The following ARID3A variants were observed in gnomAD, a reference collection of about 807,000 sequenced individuals.
ARID3A encodes AT-rich interactive domain-containing protein 3A.
Under a neutral mutation model 52.7 loss-of-function variants are expected in ARID3A, and 11 were observed. The observed-to-expected ratio is 0.21, with a 90% CI of 0.13 to 0.35. ARID3A has a LOEUF of 0.35. Among genes scored for constraint, ARID3A ranks in the 10% least tolerant of loss-of-function variants. The probability of loss-of-function intolerance (pLI) is 1.00; values close to 1 mark genes in which losing one functional copy is unlikely to be tolerated. For missense variants in ARID3A, 721 were observed against 838.5 expected, an observed-to-expected ratio of 0.86 and a Z score of 1.73; for synonymous variants, 404 against 359.4, an observed-to-expected ratio of 1.12 and a Z score of -1.40.
At chr19:949,678 T>TC in intron 3 of ARID3A, among the ~76,000 whole-genome samples, 1 of 144,744 alleles carries the variant, frequency 6.9e-6, no homozygotes, top group South Asian at 2.2e-4. Context: ...GATTCTGTCT[T>TC]TTTTTTTTTT....
At chr19:971,397 AG>A (rs1200621865) in intron 8 of ARID3A, among the ~76,000 whole-genome samples, 3 of 152,324 alleles carry the variant, frequency 2.0e-5, no homozygotes, top group Admixed American at 6.5e-5. Flanking sequence ...GGATCACCTG[AG>A]GTCAGGAGTT....
chr19:973,140 C>CTTTTTTTT lies in ARID3A; in HGVS notation c.*1076_*1077insTTTTTTTT, dbSNP rs1555732929. ...TTTTTTTTTTTGAGACGGAGTTTTG[C>CTTTTTTTT]TCTTGTCGCCCAGGCTGGAGTGAGT... is the stretch of plus-strand genomic sequence containing the variant. On this transcript the variant is annotated 3_prime_UTR_variant, in exon 9 of 9. Coordinates refer to ENST00000263620, the MANE Select transcript of ARID3A (RefSeq NM_005224.3). 3 of 20,660 alleles carry CTTTTTTTT rather than the reference C, an allele frequency of 1.5e-4. No individual in the cohort carries two copies. The highest frequency in any genetic ancestry group is 2.4e-4 in the Non-Finnish European group (2 of 8,282). The allele number at this position is 20,660 out of a possible 1,614,324, so 1.3% of individuals were successfully genotyped here. A position where few individuals can be genotyped will look rare whatever the true frequency, so the allele number is the denominator to read the frequency against.
chr19:957,235 A>G (rs542387023), intron 3 of ARID3A, among the ~76,000 whole-genome samples: 5 of 152,210 alleles, frequency 3.3e-5, no homozygotes, highest in Admixed American at 2.0e-4. Context: ...TGGCAGGCAG[A>G]GGCGGTCGGT....
intron 7 of ARID3A, among the ~76,000 whole-genome samples, chr19:967,227 C>T (rs191658786): frequency 2.2e-4 from 34 of 152,218 alleles, no homozygotes; most frequent in Non-Finnish European, 3.8e-4. Flanking sequence ...CACTGCACTC[C>T]AGCCTGGGCA....
rs571396547 is a variant in ARID3A at position 944,683 on chromosome 19, C to T, written c.693+11941C>T. 2.0e-5 allele frequency among the ~76,000 whole-genome samples: 3 copies of T among 152,244 alleles called. No individual in the cohort carries two copies. Among genetic ancestry groups the T allele is most frequent in the African/African-American group, 4.8e-5 (2 of 41,550 alleles). ...TGCTGTCACCCAGGCTGGAGTGCCG[C>T]GGTGCAGTCATAGCTCACTGCAGCC... On this transcript the variant is annotated intron_variant, in intron 3 of 8. Transcript: ENST00000263620. The surrounding 1 kb of genome is among the most constrained non-coding windows in gnomAD (Gnocchi z 5.9).
rs192979290 is a variant in ARID3A, at chr19:946,015, C to T, written c.693+13273C>T. ...CTCTGGGCAAAGTGCTTGGACCCTG[C>T]GGTTACTCCGAGCCCATTTCTCAGC... On this transcript the variant is annotated intron_variant, in intron 3 of 8. Transcript: ENST00000263620. Among the ~76,000 whole-genome samples, 88 of 152,160 alleles carry T rather than the reference C, an allele frequency of 5.8e-4. 1 individual carries two copies. The East Asian group carries it at 8.5e-3, about 15-fold the overall frequency.
In ARID3A at chr19:944,546, G is replaced by A. The variant is rs1215318214; in HGVS notation, c.693+11804G>A. Among the ~76,000 whole-genome samples, 3 of 152,182 alleles carry A rather than the reference G, an allele frequency of 2.0e-5. No individual in the cohort carries two copies. The highest frequency in any genetic ancestry group is 2.9e-5 in the Non-Finnish European group (2 of 68,022). On this transcript the variant is annotated intron_variant, in intron 3 of 8. Coordinates refer to ENST00000263620, the MANE Select transcript of ARID3A (RefSeq NM_005224.3). The surrounding 1 kb of genome is among the most constrained non-coding windows in gnomAD (Gnocchi z 5.9). ...AAATGTGGGTCTTCCGGGCAAGTGA[G>A]CGTCCCCCACCCAGGACCCCCGACC...
chr19:936,980 T>C (rs1568358179), intron 3 of ARID3A, among the ~76,000 whole-genome samples: 3 of 151,846 alleles, frequency 2.0e-5, no homozygotes, highest in Admixed American at 6.6e-5. Flanking sequence ...AGAAATGGGA[T>C]CACATAGCTG....
intron 1 of ARID3A, among the ~76,000 whole-genome samples, chr19:927,120 TTAAA>T (rs2037217225): frequency 6.6e-6 from 1 of 151,864 alleles, no homozygotes; most frequent in Non-Finnish European, 1.5e-5. Context: ...GCACAACTCT[TTAAA>T]TAACCATGTT....
At position 965,351 on chromosome 19, in the gene ARID3A, C is replaced by T. The variant is rs1568372493; in HGVS notation, c.1198+271C>T. 3 of 436,746 alleles carry T rather than the reference C, an allele frequency of 6.9e-6. No individual in the cohort carries two copies. In the East Asian group the frequency reaches 1.2e-4, roughly 17 times the overall value. 27.1% of individuals were successfully genotyped at this position (436,746 alleles called of 1,614,324 possible). ...GCCAAGGCAGACATTACTAATTGAT[C>T]ACTGTTTTTCCAGTCTACACTGAGG... is the stretch of plus-strand genomic sequence containing the variant. On this transcript the variant is annotated intron_variant, in intron 6 of 8. Coordinates refer to ENST00000263620, the MANE Select transcript of ARID3A (RefSeq NM_005224.3).
Position 932,592 on chromosome 19 carries a change from G to C in ARID3A, c.543G>C (p.Gln181His). 2 of 1,515,810 alleles carry C rather than the reference G, an allele frequency of 1.3e-6. No homozygotes were observed. The highest frequency in any genetic ancestry group is 1.8e-6 in the Non-Finnish European group (2 of 1,134,014). 93.9% of individuals were successfully genotyped at this position (1,515,810 alleles called of 1,614,324 possible). A position where few individuals can be genotyped will look rare whatever the true frequency, so the allele number is the denominator to read the frequency against. ...ALFPRKAQPP[Q>H]AFRGDGVPRV... The stretch of plus-strand genomic sequence containing the variant: ...TCCCCCGAAAGGCCCAGCCACCCCA[G>C]GCCTTCCGCGGCGATGGCGTTCCCA... Residue 181 changes from glutamine (Q) to histidine (H), a missense_variant, in exon 3 of 9, where the codon CAG becomes CAC. Physicochemically the swap from Gln to His is conservative, Grantham distance 24. This residue lies in a region of ARID3A where 349 missense variants were observed against 297.3 expected (regional missense o/e 1.17). Transcript: ENST00000263620.
At position 947,424 on chromosome 19, in the gene ARID3A, C is replaced by T. The variant is rs939759602; in HGVS notation, c.694-12668C>T. On this transcript the variant is annotated intron_variant, in intron 3 of 8. Coordinates refer to ENST00000263620, the MANE Select transcript of ARID3A (RefSeq NM_005224.3). This position sits in a 1 kb window ranked among gnomAD's most constrained non-coding sequence, Gnocchi z 6.3. ...GGCCACATCTCAGCACCAGGCCTGT[C>T]GCTGCCGTCCTGGACTCGTGGGCCT... Among the ~76,000 whole-genome samples the T allele has an allele frequency of 2.6e-5, 4 of 152,196 alleles. No homozygotes were observed. Among genetic ancestry groups the T allele is most frequent in the African/African-American group, 4.8e-5 (2 of 41,456 alleles).
At chr19:954,948 C>A (rs745899497) in intron 3 of ARID3A, among the ~76,000 whole-genome samples, 1 of 152,152 alleles carries the variant, frequency 6.6e-6, no homozygotes, top group Non-Finnish European at 1.5e-5. Context: ...CCGCTTATCT[C>A]GGCCCTCAGC....
chr19:929,716 C>A lies in ARID3A; in HGVS notation c.188C>A (p.Ala63Glu). The change falls in exon 2 of 9, where the codon GCA (alanine) becomes GAA (glutamate). Residue 63 changes from alanine to glutamate, a missense_variant. Ala to Glu is a moderately radical substitution (Grantham distance 107). Around this residue, in one of 5 missense-constraint regions of ARID3A, gnomAD observed 349 missense variants for 297.3 expected, o/e 1.17. Transcript: ENST00000263620. This position sits in a 1 kb window ranked among gnomAD's most constrained non-coding sequence, Gnocchi z 6.2. Reference protein sequence around the residue: ...RMQRAQMAALAAMRAAAAGLG... With the variant: ...RMQRAQMAALEAMRAAAAGLG... ...CAGCGGGCTCAGATGGCCGCACTGG[C>A]AGCCATGCGGGCTGCAGCTGCGGGC... The A allele has an allele frequency of 6.4e-7, 1 of 1,564,438 alleles. No homozygotes were observed. The highest frequency in any genetic ancestry group is 8.6e-7 in the Non-Finnish European group (1 of 1,163,268).
chr19:970,498 CTTTTTTTTTTTTTTT>C (rs1177419405), intron 8 of ARID3A, among the ~76,000 whole-genome samples: 2 of 88,346 alleles, frequency 2.3e-5, no homozygotes, highest in Non-Finnish European at 4.6e-5. Flanking sequence ...AATAGTTTTT[CTTTTTTTTTTTTTTT>C]TTTTTTTTTT....
At chr19:939,727 C>T (rs1197775653) in intron 3 of ARID3A, among the ~76,000 whole-genome samples, 4 of 152,012 alleles carry the variant, frequency 2.6e-5, no homozygotes, top group South Asian at 2.1e-4. Flanking sequence ...ATGGACGTTC[C>T]CCTCGTGGCG....
intron 6 of ARID3A, 47 bp from the exon 7 acceptor site, chr19:966,525 A>G: frequency 2.1e-6 from 3 of 1,459,172 alleles, no homozygotes; most frequent in Non-Finnish European, 2.8e-6. Flanking sequence ...AGTGGAAGGC[A>G]GGGCCCAGCC....
In ARID3A at chr19:964,758, T is replaced by G; in HGVS notation, c.951-75T>G. The G allele has an allele frequency of 6.5e-7, 1 of 1,541,646 alleles. No individual in the cohort carries two copies. The highest frequency in any genetic ancestry group is 1.3e-5 in the South Asian group (1 of 79,894). On this transcript the variant is annotated intron_variant, in intron 5 of 8. Coordinates refer to ENST00000263620, the MANE Select transcript of ARID3A (RefSeq NM_005224.3). This position sits in a 1 kb window ranked among gnomAD's most constrained non-coding sequence, Gnocchi z 5.7. ...AGGGATGGTGGTGCCACAGTGGGGT[T>G]TACTTTGTACTGAAGGCCAAAGAGA...
rs2145405355 is a variant in ARID3A at position 947,099 on chromosome 19, C to T, written c.694-12993C>T. Among the ~76,000 whole-genome samples the T allele has an allele frequency of 6.6e-6, 1 of 152,240 alleles. No homozygotes were observed. Among genetic ancestry groups the T allele is most frequent in the Non-Finnish European group, 1.5e-5 (1 of 68,012 alleles). ...TGGGAGCCACTGTGCCCAGCCCACA[C>T]TGAGATTCTGCATTGAAATGTTTGC... On this transcript the variant is annotated intron_variant, in intron 3 of 8. Transcript: ENST00000263620. This position sits in a 1 kb window ranked among gnomAD's most constrained non-coding sequence, Gnocchi z 6.3.
Sources: allele counts gnomAD v4.1 joint callset (sites outside exome capture counted in the v4.1 genomes callset), GRCh38; gene constraint gnomAD v4.1.1; regional missense constraint gnomAD v4.1.1; non-coding constraint Gnocchi (gnomAD v3.1); transcripts MANE v1.5; gene names NCBI Gene and HGNC (gene_info 2026-07-23, HGNC 2026-07-21).